The following OR2C1 variants were observed in gnomAD, a reference collection of about 807,000 sequenced individuals.
OR2C1 encodes olfactory receptor 2C1.
For missense variants in OR2C1, 468 were observed against 388.3 expected, an observed-to-expected ratio of 1.21 and a Z score of -1.73; for synonymous variants, 209 against 167.3, an observed-to-expected ratio of 1.25 and a Z score of -1.92.
chr16:3,353,989 T>TC (rs538199361), upstream of OR2C1, among the ~76,000 whole-genome samples: 17 of 130,888 alleles, frequency 1.3e-4, no homozygotes, highest in East Asian at 2.8e-3. Context: ...TTTTCTTTTT[T>TC]TTTTTTTTTT....
the OR2C1 span, among the ~76,000 whole-genome samples, chr16:3,325,458 AAAATATATATATAT>A: frequency 1.7e-5 from 1 of 60,530 alleles, no homozygotes; most frequent in Admixed American, 2.2e-4. Context: ...ATTATGTCTA[AAAATATATATATAT>A]ATATATATAT....
chr16:3,326,721 C>G, the OR2C1 span, among the ~76,000 whole-genome samples: 2 of 152,336 alleles, frequency 1.3e-5, no homozygotes, highest in African/African-American at 2.4e-5. Flanking sequence ...TGGCCTTAAG[C>G]TGGTCCTATT....
At chr16:3,352,298 G>C (rs35783729), upstream of OR2C1, among the ~76,000 whole-genome samples, 10 of 151,942 alleles carry the variant, frequency 6.6e-5, no homozygotes, top group Non-Finnish European at 8.8e-5. Flanking sequence ...TGTATTTTTA[G>C]TAGAGACGGG....
chr16:3,355,956 G>GAT lies in OR2C1; in HGVS notation c.18_19dup (p.Ser7IlefsTer9), dbSNP rs1485517624. ...ACAACCAGTGATGGACGGGGTGAAT[G>GAT]ATAGCTCCTTGCAGGGCTTTGTTCT... is the stretch of plus-strand genomic sequence containing the variant. On this transcript the variant is annotated frameshift_variant, in exon 1 of 1. Coordinates refer to ENST00000304936, the MANE Select transcript of OR2C1 (RefSeq NM_012368.3). LOFTEE classifies it low-confidence loss of function (END_TRUNC). The GAT allele has an allele frequency of 6.2e-7, 1 of 1,610,036 alleles. No homozygotes were observed. The highest frequency in any genetic ancestry group is 8.5e-7 in the Non-Finnish European group (1 of 1,177,582).
chr16:3,333,756 A>G, the OR2C1 span, among the ~76,000 whole-genome samples: 13 of 152,292 alleles, frequency 8.5e-5, no homozygotes, highest in African/African-American at 2.9e-4. Flanking sequence ...ATCTTACACA[A>G]AAATATCTTT....
the OR2C1 span, among the ~76,000 whole-genome samples, chr16:3,349,733 T>C: frequency 3.3e-5 from 5 of 151,696 alleles, no homozygotes; most frequent in East Asian, 9.8e-4. Flanking sequence ...TTAAATAGCT[T>C]TTTAAAGGCA....
At chr16:3,323,014 G>C in the OR2C1 span, 1 of 777,548 alleles carries the variant, frequency 1.3e-6, no homozygotes, top group Non-Finnish European at 1.6e-6. Context: ...GTGATGAGAG[G>C]TACTTGCCAT....
At chr16:3,350,058 T>TG in the OR2C1 span, among the ~76,000 whole-genome samples, 1 of 139,818 alleles carries the variant, frequency 7.2e-6, no homozygotes, top group Non-Finnish European at 1.6e-5. Flanking sequence ...AGGGAATCTT[T>TG]TTTTTTTTTT....
chr16:3,340,319 G>C, the OR2C1 span, among the ~76,000 whole-genome samples: 4 of 151,994 alleles, frequency 2.6e-5, no homozygotes, highest in Non-Finnish European at 4.4e-5. Flanking sequence ...AGAGTTGTTT[G>C]TCTTTTTGTT....
At chr16:3,324,570 TCTAA>T in the OR2C1 span, among the ~76,000 whole-genome samples, 1 of 152,182 alleles carries the variant, frequency 6.6e-6, no homozygotes, top group East Asian at 1.9e-4. Context: ...GAGAAAAATA[TCTAA>T]CTAAACTGCT....
At chr16:3,351,857 A>G (rs533201079), upstream of OR2C1, among the ~76,000 whole-genome samples, 1 of 139,310 alleles carries the variant, frequency 7.2e-6, no homozygotes, top group Admixed American at 7.1e-5. Flanking sequence ...GAATTTTTGT[A>G]CTTATTTGAT....
upstream of OR2C1, among the ~76,000 whole-genome samples, chr16:3,355,092 G>A (rs182061321): frequency 6.6e-6 from 1 of 152,130 alleles, no homozygotes; most frequent in African/African-American, 2.4e-5. Flanking sequence ...TTCCGTGTTA[G>A]CTCATACCTG....
chr16:3,342,738 G>T, the OR2C1 span, among the ~76,000 whole-genome samples: 3 of 152,166 alleles, frequency 2.0e-5, no homozygotes, highest in East Asian at 5.8e-4. Context: ...ATTACCAGGC[G>T]CAGTGGCAGG....
rs761453968 is a variant in OR2C1, at chr16:3,356,930, C to T, written c.*51C>T. 2.2e-6 allele frequency: 3 copies of T among 1,391,268 alleles called. No individual in the cohort carries two copies. The highest frequency in any genetic ancestry group is 2.5e-5 in the East Asian group (1 of 40,018). The allele number at this position is 1,391,268 out of a possible 1,614,324, so 86.2% of individuals were successfully genotyped here. On this transcript the variant is annotated 3_prime_UTR_variant, in exon 1 of 1. Transcript: ENST00000304936. ...CGTCTTCATCTCTACATGCGTTTCT[C>T]ATTAACTCTCTCTGGCCAGGTGAAC... is the stretch of plus-strand genomic sequence containing the variant.
chr16:3,341,616 A>G, the OR2C1 span, among the ~76,000 whole-genome samples: 2 of 152,170 alleles, frequency 1.3e-5, no homozygotes, highest in Non-Finnish European at 2.9e-5. Context: ...ATGGCTCACA[A>G]AATTCTAGTT....
chr16:3,335,520 C>CTTTTTTTTTTTTT, the OR2C1 span, among the ~76,000 whole-genome samples: 8 of 55,438 alleles, frequency 1.4e-4, no homozygotes, highest in Admixed American at 2.9e-4. Flanking sequence ...AATGCTACTG[C>CTTTTTTTTTTTTT]TTTTTTTTTT....
chr16:3,352,361 C>T (rs983380823), upstream of OR2C1, among the ~76,000 whole-genome samples: 11 of 152,078 alleles, frequency 7.2e-5, no homozygotes, highest in African/African-American at 2.4e-4. Flanking sequence ...GTGATCCACC[C>T]GCCTCGGCCT....
At chr16:3,349,640 A>AAG in the OR2C1 span, among the ~76,000 whole-genome samples, 1 of 152,100 alleles carries the variant, frequency 6.6e-6, no homozygotes, top group Non-Finnish European at 1.5e-5. Flanking sequence ...TCCAGGATAT[A>AAG]AGAGAGAGAG....
chr16:3,328,646 C>A, the OR2C1 span, among the ~76,000 whole-genome samples: 1 of 152,110 alleles, frequency 6.6e-6, no homozygotes, highest in Non-Finnish European at 1.5e-5. Context: ...AATTGGCTCC[C>A]CTTTGGGGTT....
Sources: gnomAD v4.1 joint callset for allele counts (sites outside exome capture counted in the v4.1 genomes callset) on GRCh38, gnomAD v4.1.1 for gene constraint, MANE v1.5 for transcripts, NCBI Gene and HGNC (gene_info 2026-07-23, HGNC 2026-07-21) for gene names.